Variants in CNFN observed in about 807,000 individuals in gnomAD.
CNFN encodes the protein cornifelin.
In CNFN, 10 loss-of-function variants were observed where a neutral mutation model predicts 14.9. The ratio of observed to expected loss-of-function variants is 0.67; its 90% CI spans 0.41 to 1.14. The LOEUF (loss-of-function observed/expected upper bound fraction) is 1.14. Ranked by LOEUF, CNFN falls within the 50% of genes most tolerant of loss-of-function variation. The pLI, the probability that CNFN is intolerant of heterozygous loss-of-function variation, is 0.00. For missense variants in CNFN, 165 were observed against 152.8 expected, an observed-to-expected ratio of 1.08 and a Z score of -0.42; for synonymous variants, 66 against 60.0, an observed-to-expected ratio of 1.10 and a Z score of -0.46.
At chr19:42,389,712 A>G (rs1370885983) in intron 1 of CNFN, 2 of 408,340 alleles carry the variant, frequency 4.9e-6, no homozygotes, top group Non-Finnish European at 9.6e-6. Flanking sequence ...ACCAGGAGAG[A>G]CATGGAATAG....
At position 42,387,437 on chromosome 19, in the gene CNFN, C is replaced by G; in HGVS notation, c.152G>C (p.Arg51Pro). ...GTFAPLCLAC[R>P]ISDDFGECCC... ...GCACTCGCCAAAGTCGTCGGAGATG[C>G]GGCAGGCAAGGCACAGAGGAGCAAA... The change falls in exon 3 of 4, where the codon CGC becomes CCC. Residue 51 changes from arginine (R) to proline (P), a missense_variant. By Grantham distance (103) the Arg-to-Pro change is moderately radical. Coordinates refer to ENST00000222032, the MANE Select transcript of CNFN (RefSeq NM_032488.4). 1 of 1,598,742 alleles carries G rather than the reference C, an allele frequency of 6.3e-7. No individual in the cohort carries two copies. The highest frequency in any genetic ancestry group is 8.5e-7 in the Non-Finnish European group (1 of 1,174,246).
chr19:42,388,005 A>AAAAAAAC lies in CNFN; in HGVS notation c.113-536_113-530dup, dbSNP rs2039868875. Among the ~76,000 whole-genome samples, 22 of 143,714 alleles carry AAAAAAAC rather than the reference A, an allele frequency of 1.5e-4. 2 individuals carry two copies. The highest frequency in any genetic ancestry group is 5.8e-4 in the African/African-American group (21 of 36,258). 94.3% of individuals were successfully genotyped at this position (143,714 alleles called of 152,430 possible). On this transcript the variant is annotated intron_variant, in intron 2 of 3. Transcript: ENST00000222032. ...AAAAAAAACAAAAAACAAAACAAAA[A>AAAAAAAC]AAAAAACGAAAGAAAGAAAAAAAAA...
At position 42,389,619 on chromosome 19, in the gene CNFN, G is replaced by C. The variant is rs2039883037; in HGVS notation, c.-2-580C>G. 3 of 1,021,144 alleles carry C rather than the reference G, an allele frequency of 2.9e-6. No individual in the cohort carries two copies. The South Asian group carries it at 4.0e-5, about 14-fold the overall frequency. 63.3% of individuals were successfully genotyped at this position (1,021,144 alleles called of 1,614,324 possible). A position where few individuals can be genotyped will look rare whatever the true frequency, so the allele number is the denominator to read the frequency against. ...CCAAGGGACGCTGGATACTGGGGAG[G>C]TGGGGGCAAGGGACTGGGGCACTGG... On this transcript the variant is annotated intron_variant, in intron 1 of 3. Coordinates refer to ENST00000222032, the MANE Select transcript of CNFN (RefSeq NM_032488.4).
At position 42,387,118 on chromosome 19, in the gene CNFN, C is replaced by CT. The variant is rs1443504397; in HGVS notation, c.*34dup. ...TGGCCAGAGAAGGCCAGAGGCGAGA[C>CT]TGGTGGAAAAGGACGGGGAAGACAG... On this transcript the variant is annotated 3_prime_UTR_variant, in exon 4 of 4. Coordinates refer to ENST00000222032, the MANE Select transcript of CNFN (RefSeq NM_032488.4). 1.2e-6 allele frequency: 2 copies of CT among 1,609,136 alleles called. No homozygotes were observed. The highest frequency in any genetic ancestry group is 2.7e-5 in the African/African-American group (2 of 74,864).
intron 2 of CNFN, 151 bp from the exon 3 acceptor site, chr19:42,387,627 A>T: frequency 2.2e-6 from 1 of 449,576 alleles, no homozygotes; most frequent in Non-Finnish European, 3.9e-6. Flanking sequence ...CGAGGAGAGG[A>T]TGGCTTAGCG....
At position 42,387,400 on chromosome 19, in the gene CNFN, G is replaced by C. The variant is rs1391877858; in HGVS notation, c.189C>G (p.Pro63=). Residue 63 remains proline (P), a synonymous_variant, in exon 3 of 4, where the codon CCC becomes CCG. Coordinates refer to ENST00000222032, the MANE Select transcript of CNFN (RefSeq NM_032488.4). ...SDDFGECCCA[P]YLPGGLHSIR... ...TGGAGTGCAGGCCTCCGGGCAGGTA[G>C]GGCGCGCAGCAGCACTCGCCAAAGT... 1 of 1,601,974 alleles carries C rather than the reference G, an allele frequency of 6.2e-7. No homozygotes were observed.
chr19:42,388,296 C>A (rs1399498361), intron 2 of CNFN, among the ~76,000 whole-genome samples: 1 of 151,804 alleles, frequency 6.6e-6, no homozygotes, highest in Non-Finnish European at 1.5e-5. Flanking sequence ...CGGGTTCAAT[C>A]AATTCTCTTT....
In CNFN at chr19:42,387,203, G is replaced by C; in HGVS notation, c.289C>G (p.Leu97Val). The change falls in exon 4 of 4, where the codon CTG becomes GTG. Residue 97 changes from leucine to valine, a missense_variant. Coordinates refer to ENST00000222032, the MANE Select transcript of CNFN (RefSeq NM_032488.4). The stretch of plus-strand genomic sequence containing the variant: ...GCCATCTGGCAGAGGGCGCAGGGCA[G>C]ACAAAAGGTGAGGGCCGCCCAGTCG... ...GHDWAALTFC[L>V]PCALCQMARE... 6.2e-7 allele frequency: 1 copy of C among 1,614,192 alleles called. No individual in the cohort carries two copies. The highest frequency in any genetic ancestry group is 8.5e-7 in the Non-Finnish European group (1 of 1,180,024).
chr19:42,387,245 A>G lies in CNFN; in HGVS notation c.250-3T>C. 2 of 1,613,032 alleles carry G rather than the reference A, an allele frequency of 1.2e-6. No individual in the cohort carries two copies. Among genetic ancestry groups the G allele is most frequent in the South Asian group, 1.1e-5 (1 of 91,042 alleles). Reference sequence around the variant, plus strand: ...GCCCAGTCGTGCCCGACGGAGCCCTAGAGGGTAGGAGAGAGCGGTCAGGAG... The same window carrying G: ...GCCCAGTCGTGCCCGACGGAGCCCTGGAGGGTAGGAGAGAGCGGTCAGGAG... On this transcript the variant is annotated splice_region_variant and splice_polypyrimidine_tract_variant and intron_variant, in intron 3 of 3. Transcript: ENST00000222032.
chr19:42,387,942 T>C (rs2147531477), intron 2 of CNFN, among the ~76,000 whole-genome samples: 1 of 139,220 alleles, frequency 7.2e-6, no homozygotes, highest in Non-Finnish European at 1.5e-5. Context: ...ACTGTGCCAT[T>C]GCATTCCAGC....
intron 2 of CNFN, 89 bp downstream of exon 2, chr19:42,388,837 G>T: frequency 1.1e-6 from 1 of 887,342 alleles, no homozygotes; most frequent in Non-Finnish European, 1.8e-6. Context: ...AGCAAGCGGT[G>T]GGAGGAGGTT....
chr19:42,387,646 G>C (rs113707187), intron 2 of CNFN, among the ~76,000 whole-genome samples, 170 bp from the exon 3 acceptor site: 1 of 151,546 alleles, frequency 6.6e-6, no homozygotes, highest in African/African-American at 2.4e-5. Flanking sequence ...CGATTGGAAG[G>C]CAGGGTTTTT....
At chr19:42,388,738 A>G (rs1298071053) in intron 2 of CNFN, among the ~76,000 whole-genome samples, 188 bp downstream of exon 2, 1 of 152,178 alleles carries the variant, frequency 6.6e-6, no homozygotes, top group Non-Finnish European at 1.5e-5. Context: ...GGCATGAGGT[A>G]GTATCCTAAG....
rs2039856189 is a variant in CNFN at position 42,387,165 on chromosome 19, C to A, written c.327G>T (p.Lys109Asn). Residue 109 changes from lysine (K) to asparagine (N), a missense_variant, in exon 4 of 4, where the codon AAG becomes AAT. Transcript: ENST00000222032. ...CALCQMAREL[K>N]IRE ...ACAGGGAACTTCCTTACTCTCGGAT[C>A]TTCAGTTCCCGCGCCATCTGGCAGA... is the stretch of plus-strand genomic sequence containing the variant. The A allele has an allele frequency of 1.2e-6, 2 of 1,614,082 alleles. No homozygotes were observed. Among genetic ancestry groups the A allele is most frequent in the Non-Finnish European group, 1.7e-6 (2 of 1,180,032 alleles).
In CNFN at chr19:42,388,992, A is replaced by C; in HGVS notation, c.46T>G (p.Cys16Gly). ...TSQPQCATTSCYQTQLSDWHT... is the reference protein window; with the variant it reads ...TSQPQCATTSGYQTQLSDWHT... Reference sequence around the variant, plus strand: ...CAGTCACTGAGCTGGGTCTGGTAGCAGCTGGTGGTGGCGCACTGGGGCTGA... The same window carrying C: ...CAGTCACTGAGCTGGGTCTGGTAGCCGCTGGTGGTGGCGCACTGGGGCTGA... Residue 16 changes from cysteine (C) to glycine (G), a missense_variant, in exon 2 of 4, where the codon TGC becomes GGC. By Grantham distance (159) the Cys-to-Gly change is radical (BLOSUM62 -3). Transcript: ENST00000222032. 6.2e-7 allele frequency: 1 copy of C among 1,613,962 alleles called. No homozygotes were observed. Among genetic ancestry groups the C allele is most frequent in the Non-Finnish European group, 8.5e-7 (1 of 1,180,008 alleles).
intron 2 of CNFN, 109 bp from the exon 3 acceptor site, chr19:42,387,585 C>G: frequency 1.3e-6 from 1 of 742,266 alleles, no homozygotes; most frequent in Non-Finnish European, 2.1e-6. Context: ...AGGGTCCCAG[C>G]CAAGGAGAGG....
Position 42,387,335 on chromosome 19 carries a change from C to G in CNFN, c.249+5G>C. On this transcript the variant is annotated splice_donor_5th_base_variant and intron_variant, in intron 3 of 3. Coordinates refer to ENST00000222032, the MANE Select transcript of CNFN (RefSeq NM_032488.4). ...GCTCCCGCGGGTCCCCAGCCCGGCGCGCACCTGGATGTGGTAGCGCTCCCG... is the reference window on the plus strand; with the variant it reads ...GCTCCCGCGGGTCCCCAGCCCGGCGGGCACCTGGATGTGGTAGCGCTCCCG... The G allele has an allele frequency of 6.3e-7, 1 of 1,596,510 alleles. No individual in the cohort carries two copies. Among genetic ancestry groups the G allele is most frequent in the South Asian group, 1.1e-5 (1 of 89,392 alleles).
chr19:42,389,608 A>T, intron 1 of CNFN: 3 of 1,017,424 alleles, frequency 2.9e-6, no homozygotes, highest in Non-Finnish European at 2.7e-6. Flanking sequence ...GGGACGCTGG[A>T]TACTGGGGAG....
chr19:42,387,075 G>T lies in CNFN; in HGVS notation c.*78C>A. ...TCTGGCAGCGGGACAGGGGTGGTGA[G>T]GCAGTCCCTCCCAGGAGTGGCCAGA... On this transcript the variant is annotated 3_prime_UTR_variant, in exon 4 of 4. Coordinates refer to ENST00000222032, the MANE Select transcript of CNFN (RefSeq NM_032488.4). 1 of 1,413,404 alleles carries T rather than the reference G, an allele frequency of 7.1e-7. No individual in the cohort carries two copies. Among genetic ancestry groups the T allele is most frequent in the Non-Finnish European group, 1.0e-6 (1 of 999,098 alleles). The allele number at this position is 1,413,404 out of a possible 1,614,324, so 87.6% of individuals were successfully genotyped here. A position where few individuals can be genotyped will look rare whatever the true frequency, so the allele number is the denominator to read the frequency against.
Sources: gnomAD v4.1 joint callset for allele counts (sites outside exome capture counted in the v4.1 genomes callset) on GRCh38, gnomAD v4.1.1 for gene constraint, MANE v1.5 for transcripts, NCBI Gene and HGNC (gene_info 2026-07-23, HGNC 2026-07-21) for gene names.